ZNF586: variants seen among roughly 807,000 people sequenced by gnomAD.
The protein encoded by ZNF586 is zinc finger protein 586.
In ZNF586, 7 loss-of-function variants were observed where a neutral mutation model predicts 6.7. The observed-to-expected ratio is 1.04, with a 90% CI of 0.59 to 1.95. ZNF586 has a LOEUF of 1.95. ZNF586 is among the 30% of genes most tolerant of loss of function. The probability of loss-of-function intolerance (pLI) is 0.00; values close to 1 mark genes in which losing one functional copy is unlikely to be tolerated. For synonymous variants in ZNF586, 166 were observed against 168.7 expected, an observed-to-expected ratio of 0.98 and a Z score of 0.12; for missense variants, 442 against 489.6, an observed-to-expected ratio of 0.90 and a Z score of 0.92.
Position 57,771,568 on chromosome 19 carries a change from C to A in ZNF586, c.36+1690C>A, listed in dbSNP as rs1987098640. Among the ~76,000 whole-genome samples, 6 of 152,150 alleles carry A rather than the reference C, an allele frequency of 3.9e-5. No homozygotes were observed. In the South Asian group the frequency reaches 1.2e-3, roughly 31 times the overall value. ...GCTATGTCTGTCAACTAATGTAACA[C>A]ATGTGGAGGGTTCACCCAGGAACTG... On this transcript the variant is annotated intron_variant, in intron 1 of 2. Coordinates refer to ENST00000396154, the MANE Select transcript of ZNF586 (RefSeq NM_017652.4).
intron 1 of ZNF586, 30 bp downstream of exon 1, chr19:57,769,908 A>G (rs1446511661): frequency 1.6e-6 from 1 of 608,708 alleles, no homozygotes; most frequent in African/African-American, 2.8e-5. Flanking sequence ...GGCCTTACCC[A>G]CCCTACCCAC....
intron 1 of ZNF586, among the ~76,000 whole-genome samples, chr19:57,775,145 C>T (rs1285846431): frequency 2.6e-5 from 4 of 151,922 alleles, no homozygotes; most frequent in Admixed American, 1.3e-4. Context: ...TACAGGCACC[C>T]GCCACCACAC....
chr19:57,778,843 A>G lies in ZNF586; in HGVS notation c.256A>G (p.Arg86Gly), dbSNP rs776682894. The part of the protein sequence containing the change: ...YKDQGGHSGE[R>G]PYECGEYRKL... ...AGACCAGGGAGGTCATAGTGGAGAA[A>G]GGCCTTATGAGTGTGGGGAATATAG... The change falls in exon 3 of 3, where the codon AGG (arginine) becomes GGG (glycine). Residue 86 changes from arginine to glycine, a missense_variant. Arg to Gly is a moderately radical substitution (Grantham distance 125, BLOSUM62 -2). Coordinates refer to ENST00000396154, the MANE Select transcript of ZNF586 (RefSeq NM_017652.4). 3.7e-6 allele frequency: 6 copies of G among 1,614,200 alleles called. No individual in the cohort carries two copies. In the South Asian group the frequency reaches 5.5e-5, roughly 15 times the overall value.
chr19:57,775,928 C>G (rs1365274412), intron 1 of ZNF586, among the ~76,000 whole-genome samples: 1 of 152,204 alleles, frequency 6.6e-6, no homozygotes, highest in Non-Finnish European at 1.5e-5. Flanking sequence ...AGTGCAACCC[C>G]CATGTGGCTC....
chr19:57,769,903 T>TGGGCCCCC, intron 1 of ZNF586, 25 bp downstream of exon 1: 1 of 1,475,868 alleles, frequency 6.8e-7, no homozygotes, highest in Non-Finnish European at 9.1e-7. Context: ...CTCCGGGCCT[T>TGGGCCCCC]ACCCACCCTA....
In ZNF586 at chr19:57,778,797, C is replaced by G; in HGVS notation, c.210C>G (p.Ser70Arg). 1 of 1,613,420 alleles carries G rather than the reference C, an allele frequency of 6.2e-7. No homozygotes were observed. Among genetic ancestry groups the G allele is most frequent in the Non-Finnish European group, 8.5e-7 (1 of 1,179,792 alleles). ...GEDEAAPSKQ[S>R]TCIHIYKDQG... ...ATGAGGCAGCACCTTCTAAGCAGAG[C>G]ACGTGTATACATATATACAAAGACC... Residue 70 changes from serine to arginine, a missense_variant, in exon 3 of 3, where the codon AGC becomes AGG. Physicochemically the swap from Ser to Arg is moderately radical, Grantham distance 110 (BLOSUM62 -1). Transcript: ENST00000396154.
chr19:57,770,928 A>G (rs1379227452), intron 1 of ZNF586, among the ~76,000 whole-genome samples: 2 of 151,586 alleles, frequency 1.3e-5, no homozygotes, highest in Admixed American at 6.6e-5. Context: ...ACGGCGCAGC[A>G]CGGCCTCGAC....
rs1987345081 is a variant in ZNF586 at position 57,779,878 on chromosome 19, T to A, written c.*82T>A. 1 of 1,178,564 alleles carries A rather than the reference T, an allele frequency of 8.5e-7. No homozygotes were observed. The highest frequency in any genetic ancestry group is 1.2e-6 in the Non-Finnish European group (1 of 831,828). The allele number at this position is 1,178,564 out of a possible 1,614,324, so 73.0% of individuals were successfully genotyped here. On this transcript the variant is annotated 3_prime_UTR_variant, in exon 3 of 3. Coordinates refer to ENST00000396154, the MANE Select transcript of ZNF586 (RefSeq NM_017652.4). ...TCACACCAGATCAAGGTGTTATGAG[T>A]GTGACAAATGGGGAATATTCTTTAG...
chr19:57,778,926 G>A lies in ZNF586; in HGVS notation c.339G>A (p.Arg113=), dbSNP rs748299749. The A allele has an allele frequency of 1.9e-6, 3 of 1,614,102 alleles. No individual in the cohort carries two copies. In the South Asian group the frequency reaches 3.3e-5, roughly 18 times the overall value. The change falls in exon 3 of 3, where the codon AGG becomes AGA. Residue 113 remains arginine, a synonymous_variant. Transcript: ENST00000396154. ...AACCCAGAAGAGATCACAAACACAGGAATGTTCGCACTGGAGAAAGGCCTT... is the reference window on the plus strand; with the variant it reads ...AACCCAGAAGAGATCACAAACACAGAAATGTTCGCACTGGAGAAAGGCCTT... The part of the protein sequence containing the change: ...LTEPRRDHKH[R]NVRTGERPYE...
chr19:57,772,075 G>A (rs931358299), intron 1 of ZNF586, among the ~76,000 whole-genome samples: 2 of 152,162 alleles, frequency 1.3e-5, no homozygotes, highest in Admixed American at 1.3e-4. Flanking sequence ...ACCCGCCTTG[G>A]CCTCCCAAAG....
chr19:57,776,017 C>T (rs757762847), intron 1 of ZNF586, among the ~76,000 whole-genome samples: 10 of 152,136 alleles, frequency 6.6e-5, no homozygotes, highest in African/African-American at 1.4e-4. Context: ...TTGTGTTCAG[C>T]GTCAGGTGTT....
intron 1 of ZNF586, among the ~76,000 whole-genome samples, chr19:57,770,340 G>T (rs1002752731): frequency 4.0e-5 from 6 of 151,866 alleles, no homozygotes; most frequent in Admixed American, 2.6e-4. Context: ...GGCTAGGCTG[G>T]CCTCGAACTC....
In ZNF586 at chr19:57,778,848, T is replaced by C. The variant is rs764868563; in HGVS notation, c.261T>C (p.Pro87=). Residue 87 remains proline, a synonymous_variant, in exon 3 of 3, where the codon CCT becomes CCC. Coordinates refer to ENST00000396154, the MANE Select transcript of ZNF586 (RefSeq NM_017652.4). The stretch of plus-strand genomic sequence containing the variant: ...AGGGAGGTCATAGTGGAGAAAGGCC[T>C]TATGAGTGTGGGGAATATAGGAAAT... ...KDQGGHSGER[P]YECGEYRKLF... The C allele has an allele frequency of 1.9e-6, 3 of 1,614,050 alleles. No individual in the cohort carries two copies. Among genetic ancestry groups the C allele is most frequent in the Non-Finnish European group, 1.7e-6 (2 of 1,180,050 alleles).
intron 1 of ZNF586, chr19:57,774,963 G>C (rs999651392): frequency 1.3e-5 from 2 of 153,384 alleles, no homozygotes; most frequent in Non-Finnish European, 2.9e-5. Flanking sequence ...CAGAGTTCCT[G>C]GTTATTATTT....
intron 1 of ZNF586, among the ~76,000 whole-genome samples, chr19:57,772,949 G>T (rs1987132189): frequency 6.6e-6 from 1 of 152,038 alleles, no homozygotes; most frequent in African/African-American, 2.4e-5. Flanking sequence ...CCATTCTGAA[G>T]TTATCTAGGG....
rs541179522 is a variant in ZNF586 at position 57,775,143 on chromosome 19, C to T, written c.37-1400C>T. Among the ~76,000 whole-genome samples, 12 of 152,106 alleles carry T rather than the reference C, an allele frequency of 7.9e-5. No homozygotes were observed. In the East Asian group the frequency reaches 1.9e-3, roughly 25 times the overall value. Reference sequence around the variant, plus strand: ...TCCTGAGTACCTGGGACTACAGGCACCCGCCACCACACCCGGCTAATTTTT... The same window carrying T: ...TCCTGAGTACCTGGGACTACAGGCATCCGCCACCACACCCGGCTAATTTTT... On this transcript the variant is annotated intron_variant, in intron 1 of 2. Transcript: ENST00000396154.
chr19:57,773,402 C>CTTTT (rs35585717), intron 1 of ZNF586, among the ~76,000 whole-genome samples: 1,527 of 92,714 alleles, frequency 0.016, 39 homozygotes, highest in African/African-American at 0.051. Flanking sequence ...TCTTCTTCTT[C>CTTTT]TTTTTTTTTT....
chr19:57,779,515 C>T lies in ZNF586; in HGVS notation c.928C>T (p.Arg310Ter), dbSNP rs201188503. ...SLRSNLIHHQ[R>*]VHTGERHECG... ...AAGGTCCAACCTCATTCACCATCAG[C>T]GAGTTCATACTGGAGAAAGGCATGA... The change falls in exon 3 of 3, where the codon CGA becomes TGA. Residue 310 changes from arginine (R) to a stop codon, truncating the protein, a stop_gained. Coordinates refer to ENST00000396154, the MANE Select transcript of ZNF586 (RefSeq NM_017652.4). LOFTEE classifies it low-confidence loss of function (END_TRUNC). The T allele has an allele frequency of 1.1e-5, 18 of 1,613,656 alleles. No individual in the cohort carries two copies. The highest frequency in any genetic ancestry group is 1.5e-5 in the Non-Finnish European group (18 of 1,179,958).
chr19:57,771,970 G>A (rs1336594411), intron 1 of ZNF586, among the ~76,000 whole-genome samples: 2 of 152,028 alleles, frequency 1.3e-5, no homozygotes, highest in African/African-American at 2.4e-5. Context: ...GATTACAGGC[G>A]CGCGCCTCCA....
Sources: allele counts gnomAD v4.1 joint callset (sites outside exome capture counted in the v4.1 genomes callset), GRCh38; gene constraint gnomAD v4.1.1; transcripts MANE v1.5; gene names NCBI Gene and HGNC (gene_info 2026-07-23, HGNC 2026-07-21).